The following FGF6 variants were observed in gnomAD, a reference collection of about 807,000 sequenced individuals.
FGF6 encodes the protein FGF-6.
Under a neutral mutation model 18.4 loss-of-function variants are expected in FGF6, and 14 were observed. That is an observed-to-expected ratio of 0.76 (90% confidence interval 0.50 to 1.19). The LOEUF is 1.19. FGF6 is among the 50% of genes most tolerant of loss of function. FGF6 has a pLI of 0.00. For synonymous variants in FGF6, 125 were observed against 116.7 expected (o/e 1.07, Z -0.46); for missense variants, 266 against 271.6 (o/e 0.98, Z 0.15).
chr12:4,434,577 G>T (rs928062367), intron 2 of FGF6, among the ~76,000 whole-genome samples, 186 bp from the exon 3 acceptor site: 2 of 152,066 alleles, frequency 1.3e-5, no homozygotes, highest in Admixed American at 1.3e-4. Flanking sequence ...GGAAGAGGCT[G>T]CAGGCTCTCA....
At chr12:4,436,024 A>AT (rs1173328067) in intron 2 of FGF6, among the ~76,000 whole-genome samples, 2 of 151,714 alleles carry the variant, frequency 1.3e-5, no homozygotes, top group African/African-American at 2.4e-5. Flanking sequence ...TTGCTTGAGT[A>AT]TAAAAAAAAA....
Position 4,445,431 on chromosome 12 carries a change from GTGT to G in FGF6, c.137_139del (p.Asn46del). The G allele has an allele frequency of 6.2e-7, 1 of 1,613,366 alleles. No homozygotes were observed. The highest frequency in any genetic ancestry group is 8.5e-7 in the Non-Finnish European group (1 of 1,180,012). On this transcript the variant is annotated inframe_deletion, in exon 1 of 3. Transcript: ENST00000228837. This position sits in a 1 kb window ranked among gnomAD's most constrained non-coding sequence, Gnocchi z 5.5. ...GCCCCAGCCCCTCGAGTCCAGCAGC[GTGT>G]TGTTGGCACGGGTGCCTGCAGGCGA...
At chr12:4,437,733 G>A (rs1865642073) in intron 2 of FGF6, among the ~76,000 whole-genome samples, 1 of 152,114 alleles carries the variant, frequency 6.6e-6, no homozygotes, top group Non-Finnish European at 1.5e-5. Context: ...AAAACATGGT[G>A]TTGGAACAAC....
At chr12:4,442,639 G>T (rs1379293318) in intron 2 of FGF6, among the ~76,000 whole-genome samples, 1 of 152,180 alleles carries the variant, frequency 6.6e-6, no homozygotes, top group East Asian at 1.9e-4. Flanking sequence ...CGGGCATTAT[G>T]CAGGCTGGGA....
intron 2 of FGF6, 51 bp from the exon 3 acceptor site, chr12:4,434,442 C>T (rs762965626): frequency 6.3e-7 from 1 of 1,586,894 alleles, no homozygotes; most frequent in South Asian, 1.1e-5. Context: ...ATGAGGAGTG[C>T]TGCAGATGCC....
chr12:4,436,719 T>C (rs1865633121), intron 2 of FGF6, among the ~76,000 whole-genome samples: 1 of 152,204 alleles, frequency 6.6e-6, no homozygotes. Context: ...GGGGACAGCC[T>C]TGCCTATGGG....
At chr12:4,435,366 G>T (rs1330262703) in intron 2 of FGF6, among the ~76,000 whole-genome samples, 1 of 152,134 alleles carries the variant, frequency 6.6e-6, no homozygotes, top group African/African-American at 2.4e-5. Flanking sequence ...TGCATGTGAG[G>T]GATCTGGGTT....
At chr12:4,436,007 C>T (rs1376174009) in intron 2 of FGF6, among the ~76,000 whole-genome samples, 4 of 152,038 alleles carry the variant, frequency 2.6e-5, no homozygotes, top group Non-Finnish European at 5.9e-5. Flanking sequence ...TAACTTCTGA[C>T]TCCTTCTTGC....
intron 1 of FGF6, among the ~76,000 whole-genome samples, chr12:4,444,692 C>T (rs1046327336): frequency 6.6e-6 from 1 of 152,202 alleles, no homozygotes; most frequent in Non-Finnish European, 1.5e-5. Context: ...CTGCAGCCCC[C>T]ATCCTTTCTT....
chr12:4,441,284 G>A (rs571766996), intron 2 of FGF6, among the ~76,000 whole-genome samples: 1 of 152,310 alleles, frequency 6.6e-6, no homozygotes, highest in South Asian at 2.1e-4. Context: ...AAAGTAAGAC[G>A]AGTAGCTGGA....
chr12:4,435,445 T>C (rs1182697671), intron 2 of FGF6, among the ~76,000 whole-genome samples: 1 of 151,754 alleles, frequency 6.6e-6, no homozygotes, highest in Non-Finnish European at 1.5e-5. Flanking sequence ...CCCCAAACCG[T>C]CCCCCCATGT....
At chr12:4,434,452 C>A in intron 2 of FGF6, 61 bp from the exon 3 acceptor site, 7 of 1,562,066 alleles carry the variant, frequency 4.5e-6, no homozygotes, top group Non-Finnish European at 6.2e-6. Context: ...CTGCAGATGC[C>A]AGCTGGGCCG....
chr12:4,439,988 C>G (rs936757692), intron 2 of FGF6, among the ~76,000 whole-genome samples: 6 of 152,178 alleles, frequency 3.9e-5, no homozygotes, highest in Admixed American at 3.9e-4. Flanking sequence ...AAGACCCAGC[C>G]CCTTAATTCA....
At chr12:4,442,277 T>C (rs1865701134) in intron 2 of FGF6, among the ~76,000 whole-genome samples, 1 of 152,110 alleles carries the variant, frequency 6.6e-6, no homozygotes, top group Admixed American at 6.5e-5. Context: ...CCTTTCCTTT[T>C]TGCTATTCTG....
At position 4,437,108 on chromosome 12, in the gene FGF6, G is replaced by GAAGTAAGAACAGT. The variant is rs567161643; in HGVS notation, c.451-2730_451-2718dup. ...CTAAAGCTTCAATTCCCTCATCTGTGAAGTAAGAACAGTAAGAAAAATTGT... is the reference window on the plus strand; with the variant it reads ...CTAAAGCTTCAATTCCCTCATCTGTGAAGTAAGAACAGTAAGTAAGAACAGTAAGAAAAATTGT... On this transcript the variant is annotated intron_variant, in intron 2 of 2. Coordinates refer to ENST00000228837, the MANE Select transcript of FGF6 (RefSeq NM_020996.3). Among the ~76,000 whole-genome samples, 833 of 152,310 alleles carry GAAGTAAGAACAGT rather than the reference G, an allele frequency of 5.5e-3. 10 individuals carry two copies. The highest frequency in any genetic ancestry group is 0.019 in the African/African-American group (796 of 41,560).
chr12:4,443,621 C>T (rs1359073544), intron 2 of FGF6, among the ~76,000 whole-genome samples: 1 of 152,156 alleles, frequency 6.6e-6, no homozygotes, highest in Non-Finnish European at 1.5e-5. Context: ...CTCTAGCGTA[C>T]GTGATCGGAG....
At position 4,441,052 on chromosome 12, in the gene FGF6, A is replaced by T. The variant is rs932308515; in HGVS notation, c.450+3081T>A. Among the ~76,000 whole-genome samples, 25 of 152,284 alleles carry T rather than the reference A, an allele frequency of 1.6e-4. 1 individual carries two copies. The highest frequency in any genetic ancestry group is 5.5e-4 in the African/African-American group (23 of 41,480). ...GCATGTAAATGCGGCTCTTCTTAGT[A>T]AAACTGAAATCACTTGAAAGCACGA... is the stretch of plus-strand genomic sequence containing the variant. On this transcript the variant is annotated intron_variant, in intron 2 of 2. Transcript: ENST00000228837.
At chr12:4,444,339 C>T (rs1865730900) in intron 1 of FGF6, 103 bp from the exon 2 acceptor site, 2 of 745,128 alleles carry the variant, frequency 2.7e-6, no homozygotes, top group East Asian at 5.3e-5. Flanking sequence ...TCCTAGAAAG[C>T]CAGACTCTCC....
rs200279711 is a variant in FGF6, at chr12:4,445,458, G to T, written c.113C>A (p.Ser38Ter). ...GTTGTTGGCACGGGTGCCTGCAGGC[G>T]AGGGCACCACCATGCCCACTAGGAT... ...LGILVGMVVP[S>*]PAGTRANNTL... The change falls in exon 1 of 3, where the codon TCG becomes TAG. Residue 38 changes from serine to a stop codon, truncating the protein, a stop_gained. Transcript: ENST00000228837. LOFTEE classifies it high-confidence loss of function. This position sits in a 1 kb window ranked among gnomAD's most constrained non-coding sequence, Gnocchi z 5.5. 2.5e-6 allele frequency: 4 copies of T among 1,613,204 alleles called. No homozygotes were observed. The highest frequency in any genetic ancestry group is 3.4e-6 in the Non-Finnish European group (4 of 1,179,966).
Sources: allele counts gnomAD v4.1 joint callset (sites outside exome capture counted in the v4.1 genomes callset), GRCh38; gene constraint gnomAD v4.1.1; non-coding constraint Gnocchi (gnomAD v3.1); transcripts MANE v1.5; gene names NCBI Gene and HGNC (gene_info 2026-07-23, HGNC 2026-07-21).